The following SMIM35 variants were observed in gnomAD, a reference collection of about 807,000 sequenced individuals.
SMIM35 encodes small integral membrane protein 35.
chr11:118,055,178 A>T (rs1314143735), intron 1 of SMIM35, among the ~76,000 whole-genome samples: 1 of 152,176 alleles, frequency 6.6e-6, no homozygotes, highest in Non-Finnish European at 1.5e-5. Flanking sequence ...ATCAGCTCCA[A>T]AAAGGGAAGG....
At chr11:118,028,540 T>C (rs1293903233) in intron 1 of SMIM35, among the ~76,000 whole-genome samples, 1 of 152,182 alleles carries the variant, frequency 6.6e-6, no homozygotes, top group Non-Finnish European at 1.5e-5. Context: ...AAAAACCCCT[T>C]TTAAAAAAAT....
At chr11:118,051,217 C>T (rs1944207842) in intron 1 of SMIM35, among the ~76,000 whole-genome samples, 1 of 152,186 alleles carries the variant, frequency 6.6e-6, no homozygotes, top group Non-Finnish European at 1.5e-5. Context: ...GTATTGTTCT[C>T]TGTGGATTTA....
chr11:118,053,334 ACACAC>A (rs1944251897), intron 1 of SMIM35, among the ~76,000 whole-genome samples: 2 of 150,412 alleles, frequency 1.3e-5, no homozygotes, highest in South Asian at 4.2e-4. Flanking sequence ...ACACACACAC[ACACAC>A]ACACACACAC....
intron 1 of SMIM35, among the ~76,000 whole-genome samples, chr11:118,040,449 T>C (rs1221054044): frequency 6.6e-6 from 1 of 152,144 alleles, no homozygotes. Context: ...CAGAGAGTGA[T>C]GCGCAAAGAA....
chr11:118,080,523 G>T (rs879515235), intron 1 of SMIM35, among the ~76,000 whole-genome samples: 2 of 152,120 alleles, frequency 1.3e-5, no homozygotes, highest in Admixed American at 6.5e-5. Context: ...TGGAGAAGGG[G>T]TTCAGATGTC....
chr11:118,043,157 A>T (rs1944033767), intron 1 of SMIM35, among the ~76,000 whole-genome samples: 1 of 152,244 alleles, frequency 6.6e-6, no homozygotes, highest in African/African-American at 2.4e-5. Flanking sequence ...GAAATAGTCA[A>T]GAAAAAGCAA....
chr11:118,058,362 C>A (rs910178992), intron 1 of SMIM35, among the ~76,000 whole-genome samples: 3 of 152,168 alleles, frequency 2.0e-5, no homozygotes, highest in African/African-American at 7.2e-5. Context: ...TCAGTATTCA[C>A]CCCAGGGCCA....
intron 1 of SMIM35, among the ~76,000 whole-genome samples, chr11:118,021,406 A>AT (rs2058230298): frequency 6.6e-6 from 1 of 151,886 alleles, no homozygotes; most frequent in Non-Finnish European, 1.5e-5. Flanking sequence ...TAGTGTTTTA[A>AT]TTTGTTATGG....
At chr11:118,057,791 G>A (rs1266479544) in intron 1 of SMIM35, among the ~76,000 whole-genome samples, 1 of 152,192 alleles carries the variant, frequency 6.6e-6, no homozygotes, top group African/African-American at 2.4e-5. Flanking sequence ...TCGGGAGCTG[G>A]GATTCTTTAT....
At chr11:118,044,845 T>A (rs771653841) in intron 1 of SMIM35, among the ~76,000 whole-genome samples, 2 of 150,838 alleles carry the variant, frequency 1.3e-5, no homozygotes, top group African/African-American at 2.4e-5. Flanking sequence ...ACCTCCTAGT[T>A]TGATCACTTA....
At chr11:118,064,731 C>T (rs1944443281) in intron 1 of SMIM35, among the ~76,000 whole-genome samples, 1 of 151,322 alleles carries the variant, frequency 6.6e-6, no homozygotes, top group South Asian at 2.1e-4. Flanking sequence ...GCAACCTCTA[C>T]TTCCCGGGTC....
chr11:118,037,783 G>A (rs1160961898), intron 1 of SMIM35, among the ~76,000 whole-genome samples: 4 of 152,262 alleles, frequency 2.6e-5, no homozygotes, highest in Non-Finnish European at 4.4e-5. Flanking sequence ...TACCTAGTCC[G>A]CCTAGTACTC....
At chr11:118,074,101 C>T (rs1944615500) in intron 1 of SMIM35, among the ~76,000 whole-genome samples, 1 of 152,110 alleles carries the variant, frequency 6.6e-6, no homozygotes, top group African/African-American at 2.4e-5. Context: ...AGAAAAAGCA[C>T]GTCAAAGAAA....
chr11:118,053,518 G>A (rs537292766), intron 1 of SMIM35, among the ~76,000 whole-genome samples: 4 of 152,264 alleles, frequency 2.6e-5, no homozygotes, highest in South Asian at 4.1e-4. Flanking sequence ...CCCTTCCTTG[G>A]ATTCCTTATT....
At chr11:118,077,373 C>G in intron 1 of SMIM35, 4 of 1,501,576 alleles carry the variant, frequency 2.7e-6, no homozygotes, top group Non-Finnish European at 3.6e-6. Context: ...GCCCTTCAAG[C>G]AGCCTGAGCA....
At chr11:118,049,231 G>A (rs1395763001) in intron 1 of SMIM35, among the ~76,000 whole-genome samples, 6 of 152,126 alleles carry the variant, frequency 3.9e-5, no homozygotes, top group East Asian at 1.9e-4. Context: ...AAGAGTGGCC[G>A]GGAGACTGGT....
intron 1 of SMIM35, among the ~76,000 whole-genome samples, chr11:118,066,022 G>GCCCT (rs1438034209): frequency 2.6e-5 from 4 of 152,146 alleles, no homozygotes; most frequent in Non-Finnish European, 4.4e-5. Flanking sequence ...GCTCACCTGG[G>GCCCT]CCCTGCTGGG....
At chr11:118,027,065 G>A (rs370892787) in intron 1 of SMIM35, among the ~76,000 whole-genome samples, 1,707 of 123,160 alleles carry the variant, frequency 0.014, 54 homozygotes, top group African/African-American at 0.049. Context: ...CTGTCGCCCA[G>A]GCCGGACTGC....
intron 1 of SMIM35, among the ~76,000 whole-genome samples, chr11:118,017,031 G>T (rs1055495645): frequency 7.9e-5 from 12 of 152,140 alleles, no homozygotes; most frequent in Non-Finnish European, 8.8e-5. Flanking sequence ...GCAGAGGGAA[G>T]GGGTCTCTCC....
Sources: gnomAD v4.1 joint callset for allele counts (sites outside exome capture counted in the v4.1 genomes callset) on GRCh38, gnomAD v4.1.1 for gene constraint, MANE v1.5 for transcripts, NCBI Gene and HGNC (gene_info 2026-07-23, HGNC 2026-07-21) for gene names.